Variants in SCAPER observed in about 807,000 individuals in gnomAD.
The protein encoded by SCAPER is S phase cyclin A-associated protein in the endoplasmic reticulum.
A neutral mutation model predicts 182.2 loss-of-function variants in SCAPER; 98 were observed. The observed-to-expected ratio is 0.54, with a 90% CI of 0.46 to 0.64. The LOEUF (loss-of-function observed/expected upper bound fraction) is 0.64, where lower values mean the gene tolerates loss of function less well. SCAPER is among the 30% of genes least tolerant of loss of function. The pLI, the probability that SCAPER is intolerant of heterozygous loss-of-function variation, is 0.00. For missense variants in SCAPER, 1,432 were observed against 1,690.0 expected (o/e 0.85, Z 2.68); for synonymous variants, 605 against 564.6 (o/e 1.07, Z -1.01).
At chr15:76,898,379 A>G (rs973229194) in intron 1 of SCAPER, among the ~76,000 whole-genome samples, 1 of 152,256 alleles carries the variant, frequency 6.6e-6, no homozygotes, top group African/African-American at 2.4e-5. Flanking sequence ...TATATAACCC[A>G]GCAATTCTAT....
chr15:76,848,334 T>G (rs7165910), intron 4 of SCAPER, among the ~76,000 whole-genome samples: 92,906 of 141,354 alleles, frequency 0.66, 34,003 homozygotes, highest in East Asian at 0.83. Flanking sequence ...TTTTTTTTTT[T>G]TTTTTTTTTT....
intron 26 of SCAPER, among the ~76,000 whole-genome samples, chr15:76,425,702 G>A (rs973267043): frequency 1.3e-5 from 2 of 152,182 alleles, no homozygotes; most frequent in Non-Finnish European, 2.9e-5. Flanking sequence ...CTGATTTTTA[G>A]AATTTTCAGC....
chr15:76,833,945 G>A (rs553069398), intron 5 of SCAPER, among the ~76,000 whole-genome samples: 106 of 152,246 alleles, frequency 7.0e-4, no homozygotes, highest in East Asian at 1.2e-3. Context: ...GTGTTAGACC[G>A]ATCAAGGTAG....
intron 21 of SCAPER, among the ~76,000 whole-genome samples, chr15:76,652,174 T>C (rs1278533565): frequency 1.4e-5 from 2 of 143,488 alleles, no homozygotes; most frequent in Non-Finnish European, 3.0e-5. Flanking sequence ...TCCCAGCACT[T>C]TGGAAGGCTG....
intron 18 of SCAPER, among the ~76,000 whole-genome samples, chr15:76,703,574 T>A (rs1338538225): frequency 1.3e-5 from 2 of 152,188 alleles, no homozygotes; most frequent in Non-Finnish European, 2.9e-5. Context: ...TACTCATCTA[T>A]TTGATATGGC....
intron 1 of SCAPER, among the ~76,000 whole-genome samples, chr15:76,884,306 G>A (rs1210824026): frequency 6.6e-6 from 1 of 152,152 alleles, no homozygotes; most frequent in Non-Finnish European, 1.5e-5. Flanking sequence ...ACTCACTAAT[G>A]AGTCTGAACT....
chr15:76,472,315 A>G (rs1415054009), intron 24 of SCAPER: 4 of 670,038 alleles, frequency 6.0e-6, no homozygotes, highest in Non-Finnish European at 8.4e-6. Context: ...GAAAATGAAG[A>G]TGCCAAAACA....
chr15:76,583,834 T>C (rs2048440035), intron 22 of SCAPER, among the ~76,000 whole-genome samples: 1 of 152,176 alleles, frequency 6.6e-6, no homozygotes, highest in Admixed American at 6.5e-5. Flanking sequence ...TATTATAAAT[T>C]AGTAAAACCA....
At chr15:76,510,077 A>C (rs999030909) in intron 23 of SCAPER, among the ~76,000 whole-genome samples, 1 of 152,232 alleles carries the variant, frequency 6.6e-6, no homozygotes, top group African/African-American at 2.4e-5. Flanking sequence ...AAATCAACTC[A>C]AGATGGATCA....
At chr15:76,434,966 T>C (rs1042626136) in intron 25 of SCAPER, among the ~76,000 whole-genome samples, 1 of 152,238 alleles carries the variant, frequency 6.6e-6, no homozygotes. Context: ...ACTAAGAAGA[T>C]GAATGGGACA....
At chr15:76,628,303 T>A (rs1377174208) in intron 21 of SCAPER, among the ~76,000 whole-genome samples, 1 of 152,250 alleles carries the variant, frequency 6.6e-6, no homozygotes, top group South Asian at 2.1e-4. Context: ...TTGTCAACTT[T>A]TTCTTCTGTT....
intron 20 of SCAPER, among the ~76,000 whole-genome samples, chr15:76,683,858 G>A (rs989275869): frequency 7.2e-5 from 11 of 152,062 alleles, no homozygotes; most frequent in African/African-American, 2.2e-4. Context: ...CTAGCAACTC[G>A]GGAGGCTGAG....
intron 22 of SCAPER, among the ~76,000 whole-genome samples, chr15:76,576,699 G>A (rs984204989): frequency 4.6e-5 from 7 of 151,900 alleles, no homozygotes; most frequent in Non-Finnish European, 8.8e-5. Context: ...CTCCTACCCT[G>A]GCAGCCACCC....
intron 23 of SCAPER, among the ~76,000 whole-genome samples, chr15:76,525,525 T>TC (rs1317655347): frequency 2.6e-5 from 4 of 152,134 alleles, no homozygotes; most frequent in Admixed American, 1.3e-4. Context: ...TCCCCCTCCC[T>TC]CCCCTTCTAG....
chr15:76,649,885 T>A (rs1226722654), intron 21 of SCAPER, among the ~76,000 whole-genome samples: 2 of 151,992 alleles, frequency 1.3e-5, no homozygotes, highest in Non-Finnish European at 2.9e-5. Context: ...GTTATTCAGA[T>A]GAAAGAAAAT....
At chr15:76,349,228 A>G (rs1282401825) in intron 31 of SCAPER, 2 of 152,322 alleles carry the variant, frequency 1.3e-5, no homozygotes, top group Admixed American at 6.5e-5. Flanking sequence ...AACAAAAAAA[A>G]GAACAAACTA....
chr15:76,709,607 T>C (rs971760876), intron 17 of SCAPER, among the ~76,000 whole-genome samples: 2 of 152,208 alleles, frequency 1.3e-5, no homozygotes, highest in African/African-American at 2.4e-5. Flanking sequence ...CCAAGCCTGA[T>C]GGCTTTACTG....
At chr15:76,706,347 G>T (rs2059262573) in intron 17 of SCAPER, among the ~76,000 whole-genome samples, 1 of 151,954 alleles carries the variant, frequency 6.6e-6, no homozygotes, top group South Asian at 2.1e-4. Context: ...AAGTAGAAGA[G>T]GAAATAATCA....
intron 15 of SCAPER, among the ~76,000 whole-genome samples, chr15:76,747,979 T>C: frequency 9.4e-6 from 1 of 105,912 alleles, no homozygotes; most frequent in Non-Finnish European, 1.9e-5. Flanking sequence ...AATATGGATA[T>C]TCTTTTTTTT....
Sources: allele counts gnomAD v4.1 joint callset (sites outside exome capture counted in the v4.1 genomes callset), GRCh38; gene constraint gnomAD v4.1.1; transcripts MANE v1.5; gene names NCBI Gene and HGNC (gene_info 2026-07-23, HGNC 2026-07-21).